Variants in PCSK1 observed in about 807,000 individuals in gnomAD.
PCSK1 encodes neuroendocrine convertase 1.
A neutral mutation model predicts 90.6 loss-of-function variants in PCSK1; 56 were observed. The observed-to-expected ratio is 0.62, with a 90% confidence interval of 0.50 to 0.77. The LOEUF (loss-of-function observed/expected upper bound fraction) is 0.77. PCSK1 is among the 30% of genes least tolerant of loss of function. The probability of loss-of-function intolerance (pLI) is 0.00; values close to 1 mark genes in which losing one functional copy is unlikely to be tolerated. For synonymous variants in PCSK1, 348 were observed against 342.4 expected (o/e 1.02, Z -0.18); for missense variants, 801 against 932.6 (o/e 0.86, Z 1.84).
rs143280562 is a variant in PCSK1 at position 96,429,228 on chromosome 5, T to C, written c.270A>G (p.Leu90=). ...RRSAFHITKR[L]SDDDRVIWAE... is the part of the protein sequence containing the mutation. ...CAACACTTACACGATCATCATCAGA[T>C]AATCTCTTAGTGATATGAAAGGCAC... The change falls in exon 2 of 14, where the codon TTA becomes TTG. Residue 90 remains leucine, a synonymous_variant. Transcript: ENST00000311106. 4.8e-4 allele frequency: 742 copies of C among 1,544,378 alleles called. 1 individual carries two copies. The highest frequency in any genetic ancestry group is 5.6e-4 in the Non-Finnish European group (620 of 1,116,558).
At chr5:96,432,831 C>T in intron 1 of PCSK1, 32 bp downstream of exon 1, 1 of 1,604,536 alleles carries the variant, frequency 6.2e-7, no homozygotes, top group Non-Finnish European at 8.5e-7. Context: ...CCCTGGGGCC[C>T]CAGAAAGTTT....
At chr5:96,401,813 T>C (rs1760386086) in intron 9 of PCSK1, among the ~76,000 whole-genome samples, 1 of 152,204 alleles carries the variant, frequency 6.6e-6, no homozygotes, top group Non-Finnish European at 1.5e-5. Context: ...TGTTCTCTGA[T>C]GTGTAGCACC....
At chr5:96,402,036 ACTC>A (rs1230720864) in intron 9 of PCSK1, among the ~76,000 whole-genome samples, 1 of 151,984 alleles carries the variant, frequency 6.6e-6, no homozygotes, top group Non-Finnish European at 1.5e-5. Context: ...CCCAGTTTTT[ACTC>A]CTCAAGGTTC....
intron 13 of PCSK1, among the ~76,000 whole-genome samples, chr5:96,393,959 C>T (rs1760044794): frequency 6.6e-6 from 1 of 152,186 alleles, no homozygotes; most frequent in Non-Finnish European, 1.5e-5. Flanking sequence ...AATATTCCAA[C>T]ACTGACAAGG....
chr5:96,426,795 T>C (rs1352034596), intron 2 of PCSK1, among the ~76,000 whole-genome samples: 3 of 152,184 alleles, frequency 2.0e-5, no homozygotes, highest in African/African-American at 7.2e-5. Flanking sequence ...AGAGTACTCA[T>C]GAATCAGCTC....
intron 3 of PCSK1, 46 bp from the exon 4 acceptor site, chr5:96,423,505 T>A: frequency 6.3e-7 from 1 of 1,584,104 alleles, no homozygotes; most frequent in Non-Finnish European, 8.7e-7. Flanking sequence ...ATCATTTGCT[T>A]GCTACAAAAT....
intron 3 of PCSK1, 100 bp downstream of exon 3, chr5:96,425,720 C>G: frequency 1.5e-6 from 1 of 671,514 alleles, no homozygotes; most frequent in Non-Finnish European, 2.6e-6. Flanking sequence ...CTATGAAATT[C>G]TCCATCATAA....
chr5:96,417,717 C>G (rs1356747976), intron 5 of PCSK1, among the ~76,000 whole-genome samples: 1 of 152,150 alleles, frequency 6.6e-6, no homozygotes, highest in Non-Finnish European at 1.5e-5. Flanking sequence ...TTTAAAATCC[C>G]TTTGTTACTT....
intron 5 of PCSK1, among the ~76,000 whole-genome samples, chr5:96,419,445 C>CCATATA (rs1272686441): frequency 6.0e-5 from 9 of 149,530 alleles, no homozygotes; most frequent in African/African-American, 2.0e-4. Context: ...CCCTCTCTCT[C>CCATATA]TCTATATATA....
In PCSK1 at chr5:96,408,339, A is replaced by T; in HGVS notation, c.1096-16T>A. The T allele has an allele frequency of 6.3e-7, 1 of 1,591,340 alleles. No individual in the cohort carries two copies. Among genetic ancestry groups the T allele is most frequent in the South Asian group, 1.1e-5 (1 of 90,344 alleles). ...CAGCGCTCGTCTGGATGACGTCAGG[A>T]AGGAGAGAAAGGCAGGGAGAACACG... is the stretch of plus-strand genomic sequence containing the variant. On this transcript the variant is annotated splice_polypyrimidine_tract_variant and intron_variant, in intron 8 of 13. Coordinates refer to ENST00000311106, the MANE Select transcript of PCSK1 (RefSeq NM_000439.5).
At chr5:96,409,833 CTAAGT>C (rs1361575252) in intron 8 of PCSK1, among the ~76,000 whole-genome samples, 1 of 152,212 alleles carries the variant, frequency 6.6e-6, no homozygotes, top group Non-Finnish European at 1.5e-5. Context: ...GCCCACACTT[CTAAGT>C]TGAGACCACA....
Position 96,392,786 on chromosome 5 carries a change from A to G in PCSK1, c.*215T>C. 2 of 606,698 alleles carry G rather than the reference A, an allele frequency of 3.3e-6. No homozygotes were observed. The highest frequency in any genetic ancestry group is 2.9e-5 in the Admixed American group (1 of 34,888). The allele number at this position is 606,698 out of a possible 1,614,324, so 37.6% of individuals were successfully genotyped here. A position where few individuals can be genotyped will look rare whatever the true frequency, so the allele number is the denominator to read the frequency against. On this transcript the variant is annotated 3_prime_UTR_variant, in exon 14 of 14. Transcript: ENST00000311106. ...CACTTCACTTGTGCAGACAGGAAAG[A>G]TGTGTTTTGAAATACCTATGATCAA...
chr5:96,427,643 C>T (rs1258291554), intron 2 of PCSK1, among the ~76,000 whole-genome samples: 2 of 152,110 alleles, frequency 1.3e-5, no homozygotes, highest in East Asian at 3.9e-4. Context: ...GTAGAATGGG[C>T]CATCTTCATT....
At chr5:96,429,043 T>C (rs1761405663) in intron 2 of PCSK1, among the ~76,000 whole-genome samples, 170 bp downstream of exon 2, 1 of 152,130 alleles carries the variant, frequency 6.6e-6, no homozygotes, top group African/African-American at 2.4e-5. Flanking sequence ...CTTGTTATTA[T>C]TATGTGCCAT....
At chr5:96,427,080 G>A (rs568232823) in intron 2 of PCSK1, among the ~76,000 whole-genome samples, 1 of 152,174 alleles carries the variant, frequency 6.6e-6, no homozygotes, top group Non-Finnish European at 1.5e-5. Context: ...AATCTTTGAG[G>A]TAGAGGGTCA....
At chr5:96,426,188 C>T (rs1397453830) in intron 2 of PCSK1, among the ~76,000 whole-genome samples, 7 of 152,108 alleles carry the variant, frequency 4.6e-5, no homozygotes, top group Non-Finnish European at 7.4e-5. Context: ...AAATTATTTA[C>T]ATTGTGGTTA....
chr5:96,402,360 CT>C (rs1433673940), intron 9 of PCSK1, among the ~76,000 whole-genome samples: 2 of 152,214 alleles, frequency 1.3e-5, no homozygotes, highest in Non-Finnish European at 2.9e-5. Flanking sequence ...CGCAGGCCCC[CT>C]GGCCCCTCAT....
Position 96,391,796 on chromosome 5 carries a change from A to G in PCSK1, c.*1205T>C, listed in dbSNP as rs1056101250. ...AGAATGAGGTTTTATGTGAAACATC[A>G]TATTTTCAATAACCACTCATATTTT... is the stretch of plus-strand genomic sequence containing the variant. On this transcript the variant is annotated 3_prime_UTR_variant, in exon 14 of 14. Coordinates refer to ENST00000311106, the MANE Select transcript of PCSK1 (RefSeq NM_000439.5). The G allele has an allele frequency of 2.0e-5, 3 of 152,216 alleles. No homozygotes were observed. The highest frequency in any genetic ancestry group is 4.4e-5 in the Non-Finnish European group (3 of 68,046). 9.4% of individuals were successfully genotyped at this position (152,216 alleles called of 1,614,324 possible).
At chr5:96,408,162 G>C in intron 9 of PCSK1, 61 bp downstream of exon 9, 2 of 1,193,292 alleles carry the variant, frequency 1.7e-6, no homozygotes, top group Non-Finnish European at 2.5e-6. Context: ...AAAAAAAAGT[G>C]TTATTAAAAA....
Sources: allele counts gnomAD v4.1 joint callset (sites outside exome capture counted in the v4.1 genomes callset), GRCh38; gene constraint gnomAD v4.1.1; transcripts MANE v1.5; gene names NCBI Gene and HGNC (gene_info 2026-07-23, HGNC 2026-07-21).